The following LSP1 variants were observed in gnomAD, a reference collection of about 807,000 sequenced individuals.
The protein encoded by LSP1 is lymphocyte-specific protein 1.
In LSP1, 32 loss-of-function variants were observed where a neutral mutation model predicts 49.3. That is an observed-to-expected ratio of 0.65 (90% CI 0.49 to 0.87). The LOEUF (loss-of-function observed/expected upper bound fraction) is 0.87, where lower values mean the gene tolerates loss of function less well. LSP1 is among the 40% of genes least tolerant of loss of function. The pLI is 0.00. For synonymous variants in LSP1, 179 were observed against 178.8 expected, an observed-to-expected ratio of 1.00 and a Z score of -0.01; for missense variants, 428 against 442.6, an observed-to-expected ratio of 0.97 and a Z score of 0.30.
intron 1 of LSP1, chr11:1,866,656 C>T (rs1420092778): frequency 6.4e-7 from 1 of 1,550,420 alleles, no homozygotes; most frequent in African/African-American, 1.4e-5. Flanking sequence ...ACCTCCCTCC[C>T]TGCCCAACGG....
intron 1 of LSP1, chr11:1,870,425 C>G (rs1847949826): frequency 8.2e-7 from 1 of 1,216,154 alleles, no homozygotes; most frequent in African/African-American, 1.6e-5. Flanking sequence ...CCTGCACCCC[C>G]AGGGATGATG....
chr11:1,857,191 C>T (rs7120559), intron 1 of LSP1, among the ~76,000 whole-genome samples: 6,235 of 152,248 alleles, frequency 0.041, 411 homozygotes, highest in African/African-American at 0.14. Flanking sequence ...GTGGGAGCAT[C>T]ACAGGCCCCA....
At chr11:1,882,400 G>A (rs779365413) in intron 3 of LSP1, among the ~76,000 whole-genome samples, 2 of 152,106 alleles carry the variant, frequency 1.3e-5, no homozygotes, top group Non-Finnish European at 2.9e-5. Context: ...GGAGCTCTAG[G>A]GACCAGTGTT....
At chr11:1,869,915 C>T (rs1264753783) in intron 1 of LSP1, among the ~76,000 whole-genome samples, 6 of 152,100 alleles carry the variant, frequency 3.9e-5, no homozygotes, top group Non-Finnish European at 7.4e-5. Context: ...TGGCCTCTGT[C>T]CCTGCCTGGT....
intron 1 of LSP1, among the ~76,000 whole-genome samples, chr11:1,877,500 T>C (rs1848361180): frequency 1.3e-5 from 2 of 152,140 alleles, no homozygotes; most frequent in South Asian, 4.1e-4. Context: ...GGCCCAGCTC[T>C]GCAGGGACGA....
chr11:1,881,320 G>T (rs1457493762), intron 2 of LSP1, 112 bp from the exon 3 acceptor site: 38 of 1,052,466 alleles, frequency 3.6e-5, no homozygotes, highest in Non-Finnish European at 3.5e-5. Context: ...TGGCAGACAG[G>T]GTCTCCCACA....
Position 1,884,627 on chromosome 11 carries a change from G to A in LSP1, c.717+46G>A, listed in dbSNP as rs1411239955. The A allele has an allele frequency of 2.6e-6, 4 of 1,531,788 alleles. No homozygotes were observed. The East Asian group carries it at 6.8e-5, about 26-fold the overall frequency. 94.9% of individuals were successfully genotyped at this position (1,531,788 alleles called of 1,614,324 possible). A position where few individuals can be genotyped will look rare whatever the true frequency, so the allele number is the denominator to read the frequency against. The stretch of plus-strand genomic sequence containing the variant: ...GCTGTCAGGTCCCTCCTGCATCCTG[G>A]CACCATTCCTTCATCCAACCAACGC... On this transcript the variant is annotated intron_variant, in intron 7 of 10. Coordinates refer to ENST00000311604, the MANE Select transcript of LSP1 (RefSeq NM_002339.3). This position sits in a 1 kb window ranked among gnomAD's most constrained non-coding sequence, Gnocchi z 4.1.
chr11:1,869,365 G>C, intron 1 of LSP1: 2 of 308,970 alleles, frequency 6.5e-6, no homozygotes, highest in South Asian at 5.5e-5. Flanking sequence ...GAAAGAAAGC[G>C]AAGGCACGAG....
chr11:1,877,031 G>T (rs1419593369), intron 1 of LSP1, among the ~76,000 whole-genome samples: 1 of 152,208 alleles, frequency 6.6e-6, no homozygotes, highest in East Asian at 1.9e-4. Flanking sequence ...TTGCATTTGT[G>T]CAGGAACACC....
At chr11:1,882,852 C>T (rs554208035) in intron 3 of LSP1, among the ~76,000 whole-genome samples, 2 of 152,288 alleles carry the variant, frequency 1.3e-5, no homozygotes, top group Non-Finnish European at 2.9e-5. Context: ...CAGGTTCAGT[C>T]CTGCTCAAAT....
chr11:1,884,170 C>G lies in LSP1; in HGVS notation c.592-110C>G. 2 of 1,472,670 alleles carry G rather than the reference C, an allele frequency of 1.4e-6. No homozygotes were observed. Among genetic ancestry groups the G allele is most frequent in the Non-Finnish European group, 1.9e-6 (2 of 1,052,956 alleles). The allele number at this position is 1,472,670 out of a possible 1,614,324, so 91.2% of individuals were successfully genotyped here. On this transcript the variant is annotated intron_variant, in intron 5 of 10. Transcript: ENST00000311604. The surrounding 1 kb of genome is among the most constrained non-coding windows in gnomAD (Gnocchi z 4.1). ...CCCATTGCCCGGTGCTCAGCGAACC[C>G]CCATGATATAAGGGTTGGGGGTTGG...
chr11:1,870,325 C>T (rs1422435210), intron 1 of LSP1: 8 of 1,291,900 alleles, frequency 6.2e-6, no homozygotes, highest in African/African-American at 1.5e-5. Flanking sequence ...GCAGGGGGTG[C>T]CCGCAGCACC....
intron 10 of LSP1, chr11:1,890,412 G>A (rs1565091968): frequency 2.8e-6 from 2 of 717,084 alleles, no homozygotes; most frequent in African/African-American, 1.7e-5. Context: ...GGCCCTGGGT[G>A]GAGCGAGGTG....
chr11:1,890,849 G>A, intron 10 of LSP1: 1 of 518,902 alleles, frequency 1.9e-6, no homozygotes, highest in South Asian at 2.7e-5. Context: ...GCTAGAACCT[G>A]CCTCCAGGGC....
rs868173065 is a variant in LSP1, at chr11:1,887,537, C to A, written c.994C>A (p.Leu332Ile). 1 of 1,613,718 alleles carries A rather than the reference C, an allele frequency of 6.2e-7. No homozygotes were observed. Among genetic ancestry groups the A allele is most frequent in the Non-Finnish European group, 8.5e-7 (1 of 1,179,922 alleles). Residue 332 changes from leucine to isoleucine, a missense_variant, in exon 10 of 11, where the codon CTT (leucine) becomes ATT (isoleucine). Coordinates refer to ENST00000311604, the MANE Select transcript of LSP1 (RefSeq NM_002339.3). The part of the protein sequence containing the change: ...ATGHGKYEKV[L>I]VEGGPAP Reference sequence around the variant, plus strand: ...CGGGCATGGGAAGTATGAGAAGGTGCTTGTGGAAGGGGGCCCGGCTCCCTA... The same window carrying A: ...CGGGCATGGGAAGTATGAGAAGGTGATTGTGGAAGGGGGCCCGGCTCCCTA...
chr11:1,881,946 C>T (rs1017801023), intron 3 of LSP1, among the ~76,000 whole-genome samples: 55 of 152,286 alleles, frequency 3.6e-4, no homozygotes, highest in African/African-American at 1.3e-3. Flanking sequence ...GAGGCCAGGC[C>T]GGGTGCTGCC....
At chr11:1,857,339 C>T (rs946205316) in intron 1 of LSP1, among the ~76,000 whole-genome samples, 8 of 152,208 alleles carry the variant, frequency 5.3e-5, no homozygotes, top group South Asian at 2.1e-4. Context: ...AGGCCCTGGC[C>T]GGTGACACCC....
chr11:1,861,695 GTGGATGGA>G (rs58820256), intron 1 of LSP1, among the ~76,000 whole-genome samples: 2,896 of 122,094 alleles, frequency 0.024, 26 homozygotes, highest in Admixed American at 0.039. Context: ...GGATGGGTGG[GTGGATGGA>G]TGGATGGATG....
intron 1 of LSP1, chr11:1,859,343 T>C (rs1461899766): frequency 2.0e-5 from 3 of 152,258 alleles, no homozygotes; most frequent in East Asian, 3.9e-4. Context: ...GATTCAAGGT[T>C]ATGCAGGGGT....
Sources: gnomAD v4.1 joint callset for allele counts (sites outside exome capture counted in the v4.1 genomes callset) on GRCh38, gnomAD v4.1.1 for gene constraint, Gnocchi (gnomAD v3.1) non-coding constraint, MANE v1.5 for transcripts, NCBI Gene and HGNC (gene_info 2026-07-23, HGNC 2026-07-21) for gene names.